The following SDCCAG8 variants were observed in gnomAD, a reference collection of about 807,000 sequenced individuals.
SDCCAG8 encodes serologically defined colon cancer antigen 8.
In SDCCAG8, 74 loss-of-function variants were observed where a neutral mutation model predicts 101.8. The observed-to-expected ratio is 0.73, with a 90% CI of 0.60 to 0.88. SDCCAG8 has a LOEUF of 0.88. Ranked by LOEUF, SDCCAG8 falls within the 40% of genes least tolerant of loss-of-function variation. The pLI is 0.00. For synonymous variants in SDCCAG8, 281 were observed against 292.9 expected (o/e 0.96, Z 0.41); for missense variants, 787 against 822.6 (o/e 0.96, Z 0.53).
chr1:243,407,594 C>T (rs2147991879), intron 13 of SDCCAG8, among the ~76,000 whole-genome samples: 1 of 152,246 alleles, frequency 6.6e-6, no homozygotes, highest in Middle Eastern at 3.4e-3. Context: ...GGTAAGTTTT[C>T]AAATTATTTT....
chr1:243,262,140 T>A (rs2067244105), intron 1 of SDCCAG8, among the ~76,000 whole-genome samples: 1 of 143,856 alleles, frequency 7.0e-6, no homozygotes, highest in African/African-American at 2.5e-5. Flanking sequence ...AGGGTCTTAT[T>A]CTTTTGCCCA....
chr1:243,361,873 A>T (rs2076730341), intron 12 of SDCCAG8, among the ~76,000 whole-genome samples: 1 of 152,246 alleles, frequency 6.6e-6, no homozygotes, highest in Non-Finnish European at 1.5e-5. Context: ...TTAAACAATC[A>T]GTTTCTTCCA....
At chr1:243,322,423 A>G (rs2073831653) in intron 9 of SDCCAG8, among the ~76,000 whole-genome samples, 1 of 152,224 alleles carries the variant, frequency 6.6e-6, no homozygotes, top group African/African-American at 2.4e-5. Flanking sequence ...ATTAAAAATA[A>G]AGTAAAAACA....
intron 16 of SDCCAG8, among the ~76,000 whole-genome samples, chr1:243,452,081 G>A (rs2083396026): frequency 6.6e-6 from 1 of 152,160 alleles, no homozygotes; most frequent in Non-Finnish European, 1.5e-5. Context: ...GTTACATCTC[G>A]TTACACCTGC....
rs1252353685 is a variant in SDCCAG8, at chr1:243,415,933, A to G, written c.1744+104A>G. The G allele has an allele frequency of 4.4e-6, 6 of 1,376,712 alleles. No homozygotes were observed. The East Asian group carries it at 1.5e-4, about 34-fold the overall frequency. The allele number at this position is 1,376,712 out of a possible 1,614,324, so 85.3% of individuals were successfully genotyped here. A position where few individuals can be genotyped will look rare whatever the true frequency, so the allele number is the denominator to read the frequency against. ...AACACCTGTAACCTTTGGCTGGCCG[A>G]AGGGAGCAGATGCTAACTACACCGG... On this transcript the variant is annotated intron_variant, in intron 14 of 17. Transcript: ENST00000366541.
At chr1:243,401,756 AT>A (rs2079413617) in intron 13 of SDCCAG8, among the ~76,000 whole-genome samples, 1 of 149,458 alleles carries the variant, frequency 6.7e-6, no homozygotes, top group African/African-American at 2.4e-5. Context: ...AATGAAGGGG[AT>A]CATTTTGGTA....
intron 16 of SDCCAG8, among the ~76,000 whole-genome samples, chr1:243,478,956 C>CAAGAAAA (rs1662956569): frequency 1.1e-5 from 1 of 94,726 alleles, no homozygotes; most frequent in Non-Finnish European, 2.0e-5. Context: ...GACTCTGTCT[C>CAAGAAAA]AAAAAAAAAA....
chr1:243,270,225 C>G lies in SDCCAG8; in HGVS notation c.188C>G (p.Thr63Arg). 1 of 1,614,180 alleles carries G rather than the reference C, an allele frequency of 6.2e-7. No individual in the cohort carries two copies. Among genetic ancestry groups the G allele is most frequent in the Non-Finnish European group, 8.5e-7 (1 of 1,180,008 alleles). ...AGTGTGGGAAATGAGGACGCCAGGA[C>G]AGCCTGGCCCGAATTACAACAGAGC... ...STSVGNEDAR[T>R]AWPELQQSHA... The change falls in exon 2 of 18, where the codon ACA becomes AGA. Residue 63 changes from threonine to arginine, a missense_variant. By Grantham distance (71) the Thr-to-Arg change is moderately conservative (BLOSUM62 -1). Coordinates refer to ENST00000366541, the MANE Select transcript of SDCCAG8 (RefSeq NM_006642.5).
rs12085532 is a variant in SDCCAG8, at chr1:243,499,597, G to A, written c.2113-159G>A. On this transcript the variant is annotated intron_variant, in intron 17 of 17. Coordinates refer to ENST00000366541, the MANE Select transcript of SDCCAG8 (RefSeq NM_006642.5). ...TGAAGGGCTTTGATGTGGACAAGAT[G>A]AGGCACAAACTTTTCATATAATTTC... 6.6e-4 allele frequency: 452 copies of A among 688,802 alleles called. 2 individuals carry two copies. The African/African-American group carries it at 7.1e-3, about 11-fold the overall frequency. The allele number at this position is 688,802 out of a possible 1,614,324, so 42.7% of individuals were successfully genotyped here.
At chr1:243,498,430 G>A (rs756956436) in intron 17 of SDCCAG8, among the ~76,000 whole-genome samples, 1 of 152,166 alleles carries the variant, frequency 6.6e-6, no homozygotes, top group African/African-American at 2.4e-5. Flanking sequence ...GGAGGGCTGT[G>A]TGCATGGGAT....
intron 5 of SDCCAG8, among the ~76,000 whole-genome samples, chr1:243,288,634 G>A (rs181706106): frequency 6.6e-6 from 1 of 152,110 alleles, no homozygotes; most frequent in East Asian, 1.9e-4. Flanking sequence ...TTAAAATGTT[G>A]GTGCTAAATC....
intron 16 of SDCCAG8, among the ~76,000 whole-genome samples, chr1:243,473,289 G>A (rs1661611563): frequency 6.6e-6 from 1 of 152,096 alleles, no homozygotes; most frequent in Non-Finnish European, 1.5e-5. Flanking sequence ...GAAAAATGTA[G>A]ATTAACAGAA....
At chr1:243,399,748 C>T (rs998506562) in intron 13 of SDCCAG8, among the ~76,000 whole-genome samples, 27 of 152,216 alleles carry the variant, frequency 1.8e-4, no homozygotes, top group African/African-American at 3.9e-4. Flanking sequence ...TAGGCTCAAG[C>T]GATCACCTGC....
At chr1:243,353,312 A>T (rs537099083) in intron 12 of SDCCAG8, among the ~76,000 whole-genome samples, 21 of 151,360 alleles carry the variant, frequency 1.4e-4, no homozygotes, top group Non-Finnish European at 2.8e-4. Context: ...CCAACGTGGT[A>T]AAACCGTGCA....
chr1:243,442,273 A>T (rs1056423236), intron 16 of SDCCAG8, among the ~76,000 whole-genome samples: 1 of 152,218 alleles, frequency 6.6e-6, no homozygotes, highest in Non-Finnish European at 1.5e-5. Flanking sequence ...CTCTGGTATC[A>T]CTGGTTGTAA....
rs902313022 is a variant in SDCCAG8, at chr1:243,474,759, T to C, written c.1986-14255T>C. The stretch of plus-strand genomic sequence containing the variant: ...GCGGCGTGGCAGCGCAGGGCTCGGC[T>C]AGATGCGCTCCTCCTCGGACTGGTT... On this transcript the variant is annotated intron_variant, in intron 16 of 17. Transcript: ENST00000366541. This position sits in a 1 kb window ranked among gnomAD's most constrained non-coding sequence, Gnocchi z 4.7. Among the ~76,000 whole-genome samples, 1 of 152,228 alleles carries C rather than the reference T, an allele frequency of 6.6e-6. No homozygotes were observed. The highest frequency in any genetic ancestry group is 1.5e-5 in the Non-Finnish European group (1 of 68,036).
At chr1:243,344,015 AGTT>A (rs1194561442) in intron 11 of SDCCAG8, among the ~76,000 whole-genome samples, 197 bp from the exon 12 acceptor site, 1 of 152,254 alleles carries the variant, frequency 6.6e-6, no homozygotes, top group Non-Finnish European at 1.5e-5. Context: ...TGTAATTTCA[AGTT>A]GTTAGAATCA....
intron 13 of SDCCAG8, among the ~76,000 whole-genome samples, chr1:243,405,063 A>G (rs900042976): frequency 6.6e-6 from 1 of 151,986 alleles, no homozygotes; most frequent in African/African-American, 2.4e-5. Flanking sequence ...ACGGGATTTC[A>G]CCATGTTGGC....
At position 243,458,876 on chromosome 1, in the gene SDCCAG8, T is replaced by C. The variant is rs1365043301; in HGVS notation, c.1986-30138T>C. On this transcript the variant is annotated intron_variant, in intron 16 of 17. Transcript: ENST00000366541. The surrounding 1 kb of genome is among the most constrained non-coding windows in gnomAD (Gnocchi z 4.5). ...TCCTACAAGGGACGTCTGATCAGTT[T>C]CTGAATTGAGTCCCAAGATACGTGC... 3.3e-5 allele frequency among the ~76,000 whole-genome samples: 5 copies of C among 152,248 alleles called. No individual in the cohort carries two copies. The highest frequency in any genetic ancestry group is 7.3e-5 in the Non-Finnish European group (5 of 68,042).
Sources: allele counts gnomAD v4.1 joint callset (sites outside exome capture counted in the v4.1 genomes callset), GRCh38; gene constraint gnomAD v4.1.1; non-coding constraint Gnocchi (gnomAD v3.1); transcripts MANE v1.5; gene names NCBI Gene and HGNC (gene_info 2026-07-23, HGNC 2026-07-21).